MYO1B: variants seen among roughly 807,000 people sequenced by gnomAD.
The protein encoded by MYO1B is myosin IB, also known as unconventional myosin-Ib.
Under a neutral mutation model 159.7 loss-of-function variants are expected in MYO1B, and 72 were observed. The observed-to-expected ratio is 0.45, with a 90% CI of 0.37 to 0.55. The LOEUF is 0.55. Among genes scored for constraint, MYO1B ranks in the 20% least tolerant of loss-of-function variants. MYO1B has a pLI of 0.00. For missense variants in MYO1B, 1,062 were observed against 1,364.8 expected (o/e 0.78, Z 3.50); for synonymous variants, 468 against 473.8 (o/e 0.99, Z 0.16).
At chr2:191,324,531 TCCATCTCCTCCCAGTC>T (rs1271927078) in intron 3 of MYO1B, among the ~76,000 whole-genome samples, 1 of 152,180 alleles carries the variant, frequency 6.6e-6, no homozygotes, top group Non-Finnish European at 1.5e-5. Context: ...ATATTTACCA[TCCATCTCCTCCCAGTC>T]CCATCTGTTA....
At chr2:191,293,797 T>C (rs1416753274) in intron 2 of MYO1B, among the ~76,000 whole-genome samples, 2 of 152,174 alleles carry the variant, frequency 1.3e-5, no homozygotes, top group African/African-American at 2.4e-5. Flanking sequence ...TGCATAATCA[T>C]CTGGGAATGC....
chr2:191,389,465 G>A (rs1695609795), intron 17 of MYO1B, among the ~76,000 whole-genome samples: 1 of 152,224 alleles, frequency 6.6e-6, no homozygotes, highest in South Asian at 2.1e-4. Context: ...TCCTGGGCGT[G>A]TTCCTCGTCT....
chr2:191,264,432 A>C (rs1306398932), intron 1 of MYO1B, among the ~76,000 whole-genome samples: 1 of 152,034 alleles, frequency 6.6e-6, no homozygotes, highest in Non-Finnish European at 1.5e-5. Flanking sequence ...TGAGTGATGC[A>C]TATTTTTTCC....
chr2:191,270,193 A>G (rs1189811662), intron 1 of MYO1B, among the ~76,000 whole-genome samples: 12 of 152,222 alleles, frequency 7.9e-5, no homozygotes. Context: ...AATTTACAAA[A>G]CAAGGAAAGG....
At chr2:191,286,127 T>C (rs983421520) in intron 2 of MYO1B, among the ~76,000 whole-genome samples, 4 of 152,236 alleles carry the variant, frequency 2.6e-5, no homozygotes, top group African/African-American at 9.6e-5. Flanking sequence ...AGCATCAATT[T>C]TATATGTCTA....
intron 1 of MYO1B, chr2:191,246,245 GA>G (rs1226956117): frequency 2.0e-5 from 3 of 152,322 alleles, no homozygotes; most frequent in Non-Finnish European, 4.4e-5. Context: ...CCCAGAGAGG[GA>G]AGGGGAAGGG....
At chr2:191,248,137 A>T in intron 1 of MYO1B, 1 of 521,308 alleles carries the variant, frequency 1.9e-6, no homozygotes, top group Non-Finnish European at 2.5e-6. Flanking sequence ...GAACATTTGG[A>T]TTTTAATTAA....
chr2:191,407,815 G>A (rs906250264), intron 24 of MYO1B: 4 of 207,126 alleles, frequency 1.9e-5, no homozygotes, highest in African/African-American at 9.2e-5. Flanking sequence ...TATTTTAATT[G>A]GGGATGAGTT....
At chr2:191,249,074 TA>T (rs1212790412) in intron 1 of MYO1B, among the ~76,000 whole-genome samples, 1 of 152,230 alleles carries the variant, frequency 6.6e-6, no homozygotes. Context: ...TCGAAACATT[TA>T]AAAGTGGTAG....
chr2:191,324,529 C>T (rs1690930525), intron 3 of MYO1B, among the ~76,000 whole-genome samples: 1 of 152,006 alleles, frequency 6.6e-6, no homozygotes, highest in African/African-American at 2.4e-5. Flanking sequence ...GTATATTTAC[C>T]ATCCATCTCC....
At chr2:191,398,998 C>A (rs1198672563) in intron 21 of MYO1B, among the ~76,000 whole-genome samples, 1 of 152,226 alleles carries the variant, frequency 6.6e-6, no homozygotes, top group African/African-American at 2.4e-5. Context: ...GTGAACGAGA[C>A]TCCGTCTGCA....
In MYO1B at chr2:191,411,105, C is replaced by A. The variant is rs149864441; in HGVS notation, c.2806C>A (p.Leu936Ile). Residue 936 changes from leucine to isoleucine, a missense_variant, in exon 27 of 31, where the codon CTT becomes ATT. Leu to Ile is a conservative substitution (Grantham distance 5, BLOSUM62 2). Around this residue, in one of 5 missense-constraint regions of MYO1B, gnomAD observed 609 missense variants for 744.4 expected, o/e 0.82. Transcript: ENST00000392318. ...YRDQFTDQQK[L>I]IYEEKLEASE... ...GGACCAATTCACAGACCAGCAGAAA[C>A]TTATTTATGAAGAGAAACTAGAAGC... The A allele has an allele frequency of 6.2e-7, 1 of 1,612,134 alleles. No individual in the cohort carries two copies. Among genetic ancestry groups the A allele is most frequent in the Non-Finnish European group, 8.5e-7 (1 of 1,179,294 alleles).
At chr2:191,289,330 C>G (rs1444598779) in intron 2 of MYO1B, among the ~76,000 whole-genome samples, 1 of 152,244 alleles carries the variant, frequency 6.6e-6, no homozygotes, top group Non-Finnish European at 1.5e-5. Flanking sequence ...GAAAAGAGAA[C>G]AGATTCTTGT....
At chr2:191,249,366 C>G (rs188185493) in intron 1 of MYO1B, among the ~76,000 whole-genome samples, 7 of 152,328 alleles carry the variant, frequency 4.6e-5, no homozygotes, top group African/African-American at 1.7e-4. Context: ...AGGCATTCTT[C>G]CTTAGGGAAG....
intron 1 of MYO1B, 94 bp from the exon 2 acceptor site, chr2:191,276,793 G>T: frequency 7.2e-7 from 1 of 1,390,148 alleles, no homozygotes; most frequent in Non-Finnish European, 9.8e-7. Flanking sequence ...AGAGTCATTT[G>T]GAGCTACCAG....
At chr2:191,367,230 ATGT>A (rs1240762821) in intron 11 of MYO1B, among the ~76,000 whole-genome samples, 1 of 152,092 alleles carries the variant, frequency 6.6e-6, no homozygotes, top group Admixed American at 6.5e-5. Flanking sequence ...TTATAGGATA[ATGT>A]TGTGGAGATT....
chr2:191,285,202 C>G (rs911966671), intron 2 of MYO1B, among the ~76,000 whole-genome samples: 1 of 152,150 alleles, frequency 6.6e-6, no homozygotes, highest in African/African-American at 2.4e-5. Context: ...ATACTTGTCT[C>G]GTGACACAGT....
At chr2:191,324,597 A>C (rs181724923) in intron 3 of MYO1B, among the ~76,000 whole-genome samples, 13 of 152,256 alleles carry the variant, frequency 8.5e-5, no homozygotes, top group African/African-American at 2.9e-4. Flanking sequence ...TGCATAGTGC[A>C]CACTTTGCCC....
intron 1 of MYO1B, among the ~76,000 whole-genome samples, chr2:191,247,663 T>G (rs1370969993): frequency 1.3e-5 from 2 of 152,264 alleles, no homozygotes; most frequent in Non-Finnish European, 2.9e-5. Context: ...CATTTTGGAC[T>G]TTTCACTTAT....
Sources: allele counts gnomAD v4.1 joint callset (sites outside exome capture counted in the v4.1 genomes callset), GRCh38; gene constraint gnomAD v4.1.1; regional missense constraint gnomAD v4.1.1; transcripts MANE v1.5; gene names NCBI Gene and HGNC (gene_info 2026-07-23, HGNC 2026-07-21).